Variants in GRIA4 observed in about 807,000 individuals in gnomAD.
GRIA4 encodes the protein glutamate ionotropic receptor AMPA type subunit 4.
Under a neutral mutation model 104.0 loss-of-function variants are expected in GRIA4, and 34 were observed. The ratio of observed to expected loss-of-function variants is 0.33; its 90% CI spans 0.25 to 0.44. The LOEUF (loss-of-function observed/expected upper bound fraction) is 0.44. Ranked by LOEUF, GRIA4 falls within the 20% of genes least tolerant of loss-of-function variation. The probability of loss-of-function intolerance (pLI) is 1.00; values close to 1 mark genes in which losing one functional copy is unlikely to be tolerated. For missense variants in GRIA4, 750 were observed against 1,096.5 expected, an observed-to-expected ratio of 0.68 and a Z score of 4.46; for synonymous variants, 386 against 381.9, an observed-to-expected ratio of 1.01 and a Z score of -0.13.
intron 6 of GRIA4, among the ~76,000 whole-genome samples, chr11:105,895,794 T>G (rs1946631235): frequency 6.6e-6 from 1 of 152,164 alleles, no homozygotes; most frequent in African/African-American, 2.4e-5. Context: ...ATGAATGGCC[T>G]ATCTTGTGCT....
chr11:105,623,381 T>C (rs1950804881), intron 3 of GRIA4, among the ~76,000 whole-genome samples: 1 of 151,998 alleles, frequency 6.6e-6, no homozygotes, highest in Non-Finnish European at 1.5e-5. Flanking sequence ...CTTAACATAT[T>C]TGAGCCGGGG....
intron 3 of GRIA4, among the ~76,000 whole-genome samples, chr11:105,668,347 G>T (rs1341425117): frequency 6.8e-6 from 1 of 147,702 alleles, no homozygotes; most frequent in Non-Finnish European, 1.5e-5. Context: ...ATAGTTTTAA[G>T]AATTATTATA....
intron 5 of GRIA4, among the ~76,000 whole-genome samples, chr11:105,872,479 C>G (rs982845552): frequency 2.6e-5 from 4 of 152,086 alleles, no homozygotes; most frequent in Admixed American, 2.6e-4. Flanking sequence ...ATCCTGTGAA[C>G]AAAATCTTCA....
chr11:105,890,863 T>G (rs1326217274), intron 6 of GRIA4, among the ~76,000 whole-genome samples: 2 of 152,226 alleles, frequency 1.3e-5, no homozygotes, highest in African/African-American at 4.8e-5. Context: ...TTGCTAGAAA[T>G]GAAAGATTGC....
At chr11:105,660,623 T>A (rs1478244818) in intron 3 of GRIA4, among the ~76,000 whole-genome samples, 7 of 151,368 alleles carry the variant, frequency 4.6e-5, no homozygotes, top group African/African-American at 1.7e-4. Context: ...TCTAGAGAAT[T>A]AAGAGTCTAT....
At chr11:105,630,027 T>G (rs1282996241) in intron 3 of GRIA4, among the ~76,000 whole-genome samples, 1 of 152,212 alleles carries the variant, frequency 6.6e-6, no homozygotes, top group East Asian at 1.9e-4. Flanking sequence ...AGACAGTAGC[T>G]GCATGAGTGA....
chr11:105,778,761 T>C (rs1446638526), intron 4 of GRIA4, among the ~76,000 whole-genome samples: 1 of 152,008 alleles, frequency 6.6e-6, no homozygotes, highest in East Asian at 1.9e-4. Flanking sequence ...ATTAAATCAG[T>C]GTTGTATAGT....
At chr11:105,764,125 GTTTTGTTTTGT>G (rs1459264741) in intron 4 of GRIA4, among the ~76,000 whole-genome samples, 2 of 151,828 alleles carry the variant, frequency 1.3e-5, no homozygotes, top group Non-Finnish European at 2.9e-5. Flanking sequence ...TTAATGTTTT[GTTTTGTTTTGT>G]TTTTGTTTTT....
intron 3 of GRIA4, chr11:105,614,034 G>T (rs1489440349): frequency 6.6e-6 from 1 of 151,734 alleles, no homozygotes. Context: ...TCTAAGGAAA[G>T]CATTCTTTTT....
intron 14 of GRIA4, among the ~76,000 whole-genome samples, chr11:105,942,880 A>C (rs1185190288): frequency 1.3e-5 from 2 of 152,116 alleles, no homozygotes; most frequent in African/African-American, 4.8e-5. Flanking sequence ...TGCTTCCCAA[A>C]AATGGGGGGA....
Position 105,933,892 on chromosome 11 carries a change from A to G in GRIA4, c.2217A>G (p.Pro739=), listed in dbSNP as rs369752458. The change falls in exon 14 of 17, where the codon CCA becomes CCG. Residue 739 remains proline, a synonymous_variant. Transcript: ENST00000282499. ...TMNEYIEQRK[P]CDTMKVGGNL... ...ATGAATACATTGAGCAGCGAAAGCCATGTGACACGATGAAAGTGGGAGGAA... is the reference window on the plus strand; with the variant it reads ...ATGAATACATTGAGCAGCGAAAGCCGTGTGACACGATGAAAGTGGGAGGAA... 1.2e-6 allele frequency: 2 copies of G among 1,613,272 alleles called. No individual in the cohort carries two copies. Among genetic ancestry groups the G allele is most frequent in the African/African-American group, 1.3e-5 (1 of 74,906 alleles).
At chr11:105,665,291 C>A (rs1822989) in intron 3 of GRIA4, among the ~76,000 whole-genome samples, 70,241 of 151,770 alleles carry the variant, frequency 0.46, 16,854 homozygotes, top group Admixed American at 0.57. Flanking sequence ...TTTAGGGGTA[C>A]TAACTTAAGA....
intron 3 of GRIA4, among the ~76,000 whole-genome samples, chr11:105,628,098 A>AACAC (rs138811587): frequency 5.7e-4 from 85 of 150,002 alleles, no homozygotes; most frequent in African/African-American, 1.8e-3. Context: ...CACACACACA[A>AACAC]ACACACACAC....
At chr11:105,655,808 C>G (rs1378438484) in intron 3 of GRIA4, among the ~76,000 whole-genome samples, 1 of 151,946 alleles carries the variant, frequency 6.6e-6, no homozygotes, top group Non-Finnish European at 1.5e-5. Context: ...TGCATGTGTC[C>G]TTATAGGAGA....
At chr11:105,905,176 G>C (rs567068808) in intron 8 of GRIA4, 21 bp from the exon 9 acceptor site, 1 of 1,332,344 alleles carries the variant, frequency 7.5e-7, no homozygotes, top group African/African-American at 1.4e-5. Context: ...GTGAACACGT[G>C]TGGTTTTCTT....
chr11:105,805,549 G>C (rs1438094822), intron 4 of GRIA4, among the ~76,000 whole-genome samples: 1 of 145,552 alleles, frequency 6.9e-6, no homozygotes, highest in African/African-American at 2.6e-5. Flanking sequence ...GAATAACTAA[G>C]GCAAAAGGCA....
At chr11:105,875,743 T>A (rs1204774577) in intron 5 of GRIA4, among the ~76,000 whole-genome samples, 1 of 152,208 alleles carries the variant, frequency 6.6e-6, no homozygotes, top group East Asian at 1.9e-4. Flanking sequence ...TGTATTTCTG[T>A]GGAATTAGTG....
At chr11:105,924,272 T>A in intron 11 of GRIA4, 127 bp from the exon 12 acceptor site, 1 of 630,258 alleles carries the variant, frequency 1.6e-6, no homozygotes, top group Non-Finnish European at 2.8e-6. Context: ...GCTTATACAT[T>A]GTTGGCACTC....
At chr11:105,636,616 A>G (rs867775043) in intron 3 of GRIA4, among the ~76,000 whole-genome samples, 1 of 152,098 alleles carries the variant, frequency 6.6e-6, no homozygotes, top group African/African-American at 2.4e-5. Context: ...TTGGAAGTCC[A>G]TTTTCTAAAG....
Sources: gnomAD v4.1 joint callset for allele counts (sites outside exome capture counted in the v4.1 genomes callset) on GRCh38, gnomAD v4.1.1 for gene constraint, MANE v1.5 for transcripts, NCBI Gene and HGNC (gene_info 2026-07-23, HGNC 2026-07-21) for gene names.